The following SGMS1 variants were observed in gnomAD, a reference collection of about 807,000 sequenced individuals.
SGMS1 encodes the protein phosphatidylcholine:ceramide cholinephosphotransferase 1.
A neutral mutation model predicts 46.2 loss-of-function variants in SGMS1; 13 were observed. That is an observed-to-expected ratio of 0.28 (90% CI 0.18 to 0.45). The LOEUF is 0.45. Among genes scored for constraint, SGMS1 ranks in the 20% least tolerant of loss-of-function variants. SGMS1 has a pLI of 1.00. For missense variants in SGMS1, 324 were observed against 519.9 expected (o/e 0.62, Z 3.66); for synonymous variants, 203 against 187.8 (o/e 1.08, Z -0.66).
intron 2 of SGMS1, among the ~76,000 whole-genome samples, chr10:50,585,417 G>A (rs779442693): frequency 3.9e-5 from 6 of 152,034 alleles, no homozygotes; most frequent in Middle Eastern, 3.2e-3. Flanking sequence ...TCCTCATTAC[G>A]GAAGCAAAAA....
intron 8 of SGMS1, among the ~76,000 whole-genome samples, chr10:50,324,918 G>A (rs1054240943): frequency 2.0e-5 from 3 of 152,120 alleles, no homozygotes; most frequent in Non-Finnish European, 4.4e-5. Flanking sequence ...GACAGAACAA[G>A]TAAATGTAAT....
chr10:50,537,639 C>A (rs1158596450), intron 2 of SGMS1, among the ~76,000 whole-genome samples: 2 of 149,904 alleles, frequency 1.3e-5, no homozygotes, highest in African/African-American at 4.9e-5. Context: ...CACAACAGGC[C>A]CCGGTGTGTG....
chr10:50,308,703 G>C (rs1247674032), intron 9 of SGMS1, among the ~76,000 whole-genome samples: 2 of 152,080 alleles, frequency 1.3e-5, no homozygotes. Context: ...CCTTCTCAAA[G>C]GTCGAATGGT....
At chr10:50,445,623 TCTTTA>T (rs1293336273) in intron 5 of SGMS1, among the ~76,000 whole-genome samples, 3 of 152,360 alleles carry the variant, frequency 2.0e-5, no homozygotes, top group South Asian at 4.1e-4. Flanking sequence ...CCTACGCCTG[TCTTTA>T]CTTTAATCTC....
chr10:50,459,847 C>G (rs1837242618), intron 5 of SGMS1: 1 of 152,258 alleles, frequency 6.6e-6, no homozygotes, highest in Non-Finnish European at 1.5e-5. Flanking sequence ...AGTTGTTTAA[C>G]CACTTGGAAC....
chr10:50,508,499 T>C (rs1837726089), intron 3 of SGMS1, among the ~76,000 whole-genome samples: 1 of 152,168 alleles, frequency 6.6e-6, no homozygotes, highest in African/African-American at 2.4e-5. Context: ...AAGGAAGTCA[T>C]GTCAGTCATT....
At chr10:50,516,839 A>G (rs1837810521) in intron 3 of SGMS1, among the ~76,000 whole-genome samples, 1 of 152,204 alleles carries the variant, frequency 6.6e-6, no homozygotes. Flanking sequence ...ATTTAAAAAT[A>G]CTTTTTAATG....
chr10:50,348,602 C>T (rs1847953795), intron 6 of SGMS1, among the ~76,000 whole-genome samples: 1 of 152,130 alleles, frequency 6.6e-6, no homozygotes, highest in Admixed American at 6.5e-5. Flanking sequence ...AGGAATCCAA[C>T]TGACAAGGGA....
intron 4 of SGMS1, among the ~76,000 whole-genome samples, chr10:50,466,275 T>C (rs555626248): frequency 1.3e-5 from 2 of 151,454 alleles, no homozygotes; most frequent in South Asian, 2.1e-4. Flanking sequence ...TTAAACAATA[T>C]ACATGCAATT....
chr10:50,327,143 A>G (rs1847544800), intron 8 of SGMS1, 62 bp downstream of exon 8: 1 of 988,934 alleles, frequency 1.0e-6, no homozygotes, highest in African/African-American at 1.6e-5. Context: ...ACCTCACTCA[A>G]AGGACCCCAG....
chr10:50,585,951 C>A (rs768161251), intron 2 of SGMS1, among the ~76,000 whole-genome samples: 3 of 152,132 alleles, frequency 2.0e-5, no homozygotes, highest in Non-Finnish European at 4.4e-5. Context: ...TGAAGTAAAG[C>A]AGGAGCTGGC....
chr10:50,487,926 T>A (rs1240542133), intron 3 of SGMS1, among the ~76,000 whole-genome samples: 2 of 152,168 alleles, frequency 1.3e-5, no homozygotes, highest in South Asian at 2.1e-4. Context: ...TTTCTGAAAA[T>A]TTTCTCATCT....
chr10:50,499,894 C>T (rs1043297998), intron 3 of SGMS1, among the ~76,000 whole-genome samples: 4 of 152,158 alleles, frequency 2.6e-5, no homozygotes, highest in Non-Finnish European at 4.4e-5. Flanking sequence ...ATCAGCCTGG[C>T]GCAGTGGCTC....
In SGMS1 at chr10:50,613,938, G is replaced by A. The variant is rs996717236; in HGVS notation, c.-684+9769C>T. On this transcript the variant is annotated intron_variant, in intron 1 of 10. Coordinates refer to ENST00000361781, the MANE Select transcript of SGMS1 (RefSeq NM_147156.4). The stretch of plus-strand genomic sequence containing the variant: ...GCTATGTGACCTCGTGGCAGCTGGA[G>A]GAAAGCTGTACAAAGCTCTTTTTTC... 5.9e-5 allele frequency among the ~76,000 whole-genome samples: 9 copies of A among 152,110 alleles called. No individual in the cohort carries two copies. In the South Asian group the frequency reaches 1.9e-3, roughly 32 times the overall value.
intron 1 of SGMS1, among the ~76,000 whole-genome samples, chr10:50,617,117 C>T (rs772589117): frequency 3.9e-5 from 6 of 151,958 alleles, no homozygotes; most frequent in Non-Finnish European, 8.8e-5. Context: ...ATCAGTATGT[C>T]GCAAGTAATG....
At chr10:50,500,529 G>A (rs1588855369) in intron 3 of SGMS1, among the ~76,000 whole-genome samples, 1 of 152,050 alleles carries the variant, frequency 6.6e-6, no homozygotes, top group South Asian at 2.1e-4. Context: ...CTATGAGTGT[G>A]TGTGCCACGC....
At chr10:50,511,272 C>CACACACACACACACACACACACAA (rs1837752867) in intron 3 of SGMS1, among the ~76,000 whole-genome samples, 1 of 151,738 alleles carries the variant, frequency 6.6e-6, no homozygotes, top group Non-Finnish European at 1.5e-5. Flanking sequence ...CACACACACA[C>CACACACACACACACACACACACAA]ACACACACAC....
chr10:50,432,779 T>C (rs566274169), intron 6 of SGMS1, among the ~76,000 whole-genome samples: 47 of 152,316 alleles, frequency 3.1e-4, no homozygotes, highest in African/African-American at 1.1e-3. Context: ...AAATCCAATA[T>C]ACAGATGAGT....
intron 8 of SGMS1, among the ~76,000 whole-genome samples, chr10:50,314,414 C>T (rs1034561014): frequency 2.0e-5 from 3 of 152,100 alleles, no homozygotes; most frequent in Non-Finnish European, 4.4e-5. Flanking sequence ...TGACCTTATA[C>T]AGCTGAACCA....
Sources: allele counts gnomAD v4.1 joint callset (sites outside exome capture counted in the v4.1 genomes callset), GRCh38; gene constraint gnomAD v4.1.1; transcripts MANE v1.5; gene names NCBI Gene and HGNC (gene_info 2026-07-23, HGNC 2026-07-21).